Variants in PRKCH observed in about 807,000 individuals in gnomAD.
PRKCH encodes protein kinase C eta type.
PRKCH carries 28 observed loss-of-function variants against 82.5 expected under a neutral mutation model. That is an observed-to-expected ratio of 0.34 (90% confidence interval 0.25 to 0.47). The LOEUF is 0.47. Among genes scored for constraint, PRKCH ranks in the 20% least tolerant of loss-of-function variants. PRKCH has a pLI of 1.00. For missense variants in PRKCH, 705 were observed against 881.8 expected (o/e 0.80, Z 2.54); for synonymous variants, 322 against 327.4 (o/e 0.98, Z 0.18).
intron 2 of PRKCH, among the ~76,000 whole-genome samples, chr14:61,405,935 G>A (rs1881924649): frequency 6.6e-6 from 1 of 152,134 alleles, no homozygotes; most frequent in Non-Finnish European, 1.5e-5. Flanking sequence ...CTGAGAATAG[G>A]ACCTTCAAAA....
chr14:61,361,555 C>T (rs2046225415), intron 1 of PRKCH, among the ~76,000 whole-genome samples: 1 of 152,184 alleles, frequency 6.6e-6, no homozygotes, highest in Non-Finnish European at 1.5e-5. Flanking sequence ...CAATAAGGCT[C>T]ATTTTATAGC....
intron 2 of PRKCH, among the ~76,000 whole-genome samples, chr14:61,434,265 T>C (rs543535217): frequency 6.6e-6 from 1 of 152,212 alleles, no homozygotes; most frequent in Non-Finnish European, 1.5e-5. Flanking sequence ...CATTTTGAGA[T>C]GTTTTTCAGA....
intron 10 of PRKCH, among the ~76,000 whole-genome samples, chr14:61,524,203 A>C (rs568311160): frequency 6.6e-6 from 1 of 152,370 alleles, no homozygotes; most frequent in South Asian, 2.1e-4. Context: ...AGGATAGCTT[A>C]TGGTGGAAAC....
chr14:61,251,988 C>T lies in PRKCH; in HGVS notation c.-19+64320C>T, dbSNP rs570751657. ...CTGAGTAGCTGGGATTACAGGTGCA[C>T]GCCACCACGCCCAGCTAATTTCTGT... On this transcript the variant is annotated intron_variant, in intron 1 of 3. Coordinates refer to the PRKCH transcript ENST00000555185. Among the ~76,000 whole-genome samples, 43 of 151,964 alleles carry T rather than the reference C, an allele frequency of 2.8e-4. No homozygotes were observed. The South Asian group carries it at 4.6e-3, about 16-fold the overall frequency.
chr14:61,428,112 C>CATATATATATATATATATATATATAT (rs112740584), intron 2 of PRKCH, among the ~76,000 whole-genome samples: 28 of 145,576 alleles, frequency 1.9e-4, no homozygotes, highest in African/African-American at 7.5e-4. Context: ...TATATACACA[C>CATATATATATATATATATATATATAT]ATATATATAT....
At chr14:61,383,437 T>C (rs2046540328) in intron 1 of PRKCH, among the ~76,000 whole-genome samples, 1 of 152,100 alleles carries the variant, frequency 6.6e-6, no homozygotes, top group Admixed American at 6.5e-5. Flanking sequence ...TGATGAGATA[T>C]GTGTATGAAA....
chr14:61,403,598 G>A (rs961989460), intron 2 of PRKCH, among the ~76,000 whole-genome samples: 2 of 152,234 alleles, frequency 1.3e-5, no homozygotes, highest in African/African-American at 4.8e-5. Flanking sequence ...GCCTGTTACA[G>A]ATAGCTTCAT....
chr14:61,230,538 C>T (rs965588121), intron 1 of PRKCH, among the ~76,000 whole-genome samples: 4 of 152,200 alleles, frequency 2.6e-5, no homozygotes, highest in African/African-American at 9.7e-5. Context: ...GTGTCTCATT[C>T]TCTGAAAAGG....
rs868558733 is a variant in PRKCH, at chr14:61,254,009, C to T, written c.-19+66341C>T. 7.4e-4 allele frequency among the ~76,000 whole-genome samples: 78 copies of T among 104,992 alleles called. No homozygotes were observed. In the East Asian group the frequency reaches 0.013, roughly 17 times the overall value. 68.9% of individuals were successfully genotyped at this position (104,992 alleles called of 152,430 possible). A position where few individuals can be genotyped will look rare whatever the true frequency, so the allele number is the denominator to read the frequency against. ...TCCCTCCCTCCCTCCCTCCCTCCCT[C>T]CCTTCCTTCCTTCCTTCCTTTCTTC... On this transcript the variant is annotated intron_variant, in intron 1 of 3. Transcript: ENST00000555185.
intron 2 of PRKCH, among the ~76,000 whole-genome samples, chr14:61,425,472 C>T (rs1395756887): frequency 1.3e-5 from 2 of 152,160 alleles, no homozygotes; most frequent in South Asian, 2.1e-4. Context: ...TTTTGACTTG[C>T]ATCAACCTGT....
chr14:61,527,721 T>C (rs1029738707), intron 10 of PRKCH, among the ~76,000 whole-genome samples: 3 of 152,202 alleles, frequency 2.0e-5, no homozygotes, highest in African/African-American at 7.2e-5. Context: ...AACTTTCCTC[T>C]GTAGCCCTGA....
rs767437913 is a variant in PRKCH, at chr14:61,280,271, C to T, written c.-19+92603C>T. ...AGCTTGTGGCCGCCGAACGCGCGCACCGGGTAGTTGTAGGTGATGTTGACG... is the reference window on the plus strand; with the variant it reads ...AGCTTGTGGCCGCCGAACGCGCGCATCGGGTAGTTGTAGGTGATGTTGACG... On this transcript the variant is annotated intron_variant, in intron 1 of 3. Transcript: ENST00000555185. The surrounding 1 kb of genome is among the most constrained non-coding windows in gnomAD (Gnocchi z 5.0). 6.2e-7 allele frequency: 1 copy of T among 1,614,016 alleles called. No individual in the cohort carries two copies. The highest frequency in any genetic ancestry group is 8.5e-7 in the Non-Finnish European group (1 of 1,179,992).
chr14:61,353,657 A>AT (rs2046110471), intron 1 of PRKCH: 1 of 152,254 alleles, frequency 6.6e-6, no homozygotes, highest in Non-Finnish European at 1.5e-5. Flanking sequence ...CAGGCTGGGC[A>AT]TGGTGGCTCA....
At chr14:61,501,281 A>G (rs950653033) in intron 10 of PRKCH, among the ~76,000 whole-genome samples, 4 of 152,212 alleles carry the variant, frequency 2.6e-5, no homozygotes, top group African/African-American at 4.8e-5. Context: ...GACAGATTCC[A>G]TAAGGAAATT....
chr14:61,338,860 T>C (rs906548422), intron 1 of PRKCH, among the ~76,000 whole-genome samples: 1 of 152,158 alleles, frequency 6.6e-6, no homozygotes. Flanking sequence ...AGGACCAAAC[T>C]TGTATATGTA....
At chr14:61,449,894 CTCTCTCTGTGTG>C (rs1270761596) in intron 5 of PRKCH, among the ~76,000 whole-genome samples, 2 of 24,914 alleles carry the variant, frequency 8.0e-5, no homozygotes, top group East Asian at 8.7e-4. Flanking sequence ...CTCTCTCTCT[CTCTCTCTGTGTG>C]TGTGTGTGTG....
At chr14:61,320,720 C>G (rs541475101), upstream of PRKCH, among the ~76,000 whole-genome samples, 4 of 152,338 alleles carry the variant, frequency 2.6e-5, no homozygotes, top group South Asian at 6.2e-4. Context: ...AAGGTCCTCC[C>G]CGGAGACAAA....
At chr14:61,311,405 C>G (rs961600700) in intron 1 of PRKCH, among the ~76,000 whole-genome samples, 1 of 152,226 alleles carries the variant, frequency 6.6e-6, no homozygotes, top group Admixed American at 6.5e-5. Flanking sequence ...AGTTCCTCAT[C>G]TCCATCTGAG....
chr14:61,314,066 T>C (rs1381824218), intron 1 of PRKCH, among the ~76,000 whole-genome samples: 1 of 152,242 alleles, frequency 6.6e-6, no homozygotes, highest in Non-Finnish European at 1.5e-5. Flanking sequence ...TATTTTTGCC[T>C]CATTTGGTGA....
Sources: gnomAD v4.1 joint callset for allele counts (sites outside exome capture counted in the v4.1 genomes callset) on GRCh38, gnomAD v4.1.1 for gene constraint, Gnocchi (gnomAD v3.1) non-coding constraint, MANE v1.5 for transcripts, NCBI Gene and HGNC (gene_info 2026-07-23, HGNC 2026-07-21) for gene names.